DSCAM: variants seen among roughly 807,000 people sequenced by gnomAD.
The protein encoded by DSCAM is DS cell adhesion molecule, also known as cell adhesion molecule DSCAM.
A neutral mutation model predicts 217.7 loss-of-function variants in DSCAM; 47 were observed. That is an observed-to-expected ratio of 0.22 (90% CI 0.17 to 0.28). The LOEUF is 0.28. Among genes scored for constraint, DSCAM ranks in the 10% least tolerant of loss-of-function variants. DSCAM has a pLI of 1.00. For missense variants in DSCAM, 2,080 were observed against 2,618.3 expected, an observed-to-expected ratio of 0.79 and a Z score of 4.49; for synonymous variants, 1,056 against 1,015.3, an observed-to-expected ratio of 1.04 and a Z score of -0.76.
intron 3 of DSCAM, among the ~76,000 whole-genome samples, chr21:40,645,967 G>T (rs2089940919): frequency 6.6e-6 from 1 of 152,090 alleles, no homozygotes; most frequent in Non-Finnish European, 1.5e-5. Context: ...AGAGCCTTTA[G>T]CCTATAAAAT....
intron 3 of DSCAM, among the ~76,000 whole-genome samples, chr21:40,577,868 C>A (rs886811864): frequency 6.6e-6 from 1 of 152,218 alleles, no homozygotes; most frequent in South Asian, 2.1e-4. Context: ...CTGGGAACTG[C>A]GGATACAGCT....
At chr21:40,541,536 T>G (rs2076542700) in intron 3 of DSCAM, among the ~76,000 whole-genome samples, 1 of 152,188 alleles carries the variant, frequency 6.6e-6, no homozygotes, top group African/African-American at 2.4e-5. Flanking sequence ...TATTTCCTTA[T>G]TAAAAGAATA....
At chr21:40,402,798 C>A (rs1329229212) in intron 3 of DSCAM, among the ~76,000 whole-genome samples, 4 of 151,816 alleles carry the variant, frequency 2.6e-5, no homozygotes, top group Non-Finnish European at 5.9e-5. Context: ...ATTATACTAA[C>A]CATTTTTTGA....
At chr21:40,538,015 A>G (rs2076512835) in intron 3 of DSCAM, among the ~76,000 whole-genome samples, 1 of 152,170 alleles carries the variant, frequency 6.6e-6, no homozygotes, top group Non-Finnish European at 1.5e-5. Context: ...ATAAATGCTA[A>G]GTGGTAGGTG....
At chr21:40,842,751 C>T (rs141686940) in intron 1 of DSCAM, among the ~76,000 whole-genome samples, 4 of 152,244 alleles carry the variant, frequency 2.6e-5, no homozygotes, top group Admixed American at 6.5e-5. Context: ...AATTAGTTCC[C>T]CTACCAGAAT....
At chr21:40,606,308 G>C (rs537354485) in intron 3 of DSCAM, among the ~76,000 whole-genome samples, 2 of 152,292 alleles carry the variant, frequency 1.3e-5, no homozygotes, top group Admixed American at 6.5e-5. Flanking sequence ...GAGCTGGAGT[G>C]AAGAGCACCA....
chr21:40,228,720 T>G (rs1187185534), intron 11 of DSCAM, among the ~76,000 whole-genome samples: 1 of 151,964 alleles, frequency 6.6e-6, no homozygotes, highest in Non-Finnish European at 1.5e-5. Context: ...TTCCAAGTTC[T>G]TTTATATTCC....
chr21:40,773,713 A>T (rs2091465491), intron 1 of DSCAM, among the ~76,000 whole-genome samples: 1 of 152,226 alleles, frequency 6.6e-6, no homozygotes, highest in South Asian at 2.1e-4. Context: ...ATAGAAAGGC[A>T]TTTGGGCCAA....
chr21:40,736,812 T>G (rs899038848), intron 1 of DSCAM, among the ~76,000 whole-genome samples: 1 of 152,060 alleles, frequency 6.6e-6, no homozygotes, highest in African/African-American at 2.4e-5. Context: ...TAGCATAGGG[T>G]TTTTTTTGCA....
intron 20 of DSCAM, among the ~76,000 whole-genome samples, chr21:40,117,970 C>T (rs754681802): frequency 2.1e-5 from 3 of 145,648 alleles, no homozygotes; most frequent in Non-Finnish European, 3.0e-5. Context: ...CACACACACA[C>T]ATACACACAC....
At chr21:40,411,857 C>CACT (rs2075326253) in intron 3 of DSCAM, among the ~76,000 whole-genome samples, 1 of 152,168 alleles carries the variant, frequency 6.6e-6, no homozygotes, top group Non-Finnish European at 1.5e-5. Flanking sequence ...TACCAATACT[C>CACT]ACTAATATGG....
intron 3 of DSCAM, among the ~76,000 whole-genome samples, chr21:40,379,921 C>A (rs1272808901): frequency 6.6e-6 from 1 of 152,096 alleles, no homozygotes; most frequent in African/African-American, 2.4e-5. Flanking sequence ...AATGAAGCCC[C>A]AGCGTGGATC....
intron 2 of DSCAM, among the ~76,000 whole-genome samples, chr21:40,705,287 C>T (rs951821834): frequency 6.6e-6 from 1 of 152,108 alleles, no homozygotes; most frequent in Non-Finnish European, 1.5e-5. Context: ...ATTCTTTATC[C>T]CAAAGCATAA....
At chr21:40,782,008 A>AG (rs2091550706) in intron 1 of DSCAM, among the ~76,000 whole-genome samples, 1 of 149,926 alleles carries the variant, frequency 6.7e-6, no homozygotes, top group African/African-American at 2.4e-5. Context: ...AAAAAAAAAA[A>AG]AAGAAAAAAA....
chr21:40,188,785 CTT>C (rs35605811), intron 12 of DSCAM, among the ~76,000 whole-genome samples: 5,101 of 141,452 alleles, frequency 0.036, 159 homozygotes, highest in East Asian at 0.14. Context: ...TTATTTCTCA[CTT>C]TTTTTTTTTT....
chr21:40,694,975 A>G (rs2090580618), intron 2 of DSCAM, among the ~76,000 whole-genome samples: 1 of 152,176 alleles, frequency 6.6e-6, no homozygotes, highest in South Asian at 2.1e-4. Flanking sequence ...AGAAAGAGGG[A>G]CTGGTCAACA....
chr21:40,349,753 A>C (rs533669055), intron 5 of DSCAM, among the ~76,000 whole-genome samples: 1 of 152,232 alleles, frequency 6.6e-6, no homozygotes, highest in Non-Finnish European at 1.5e-5. Context: ...AAAGACCTAC[A>C]GTTACAGATT....
In DSCAM at chr21:40,644,880, C is replaced by A. The variant is rs2089926518; in HGVS notation, c.508+47930G>T. Among the ~76,000 whole-genome samples the A allele has an allele frequency of 2.0e-5, 3 of 152,174 alleles. No homozygotes were observed. The South Asian group carries it at 6.2e-4, about 31-fold the overall frequency. ...CCTAAAATCTGAGGAGATATATAGT[C>A]ATTCTTCTTTTTAAAACAGTTTCAA... On this transcript the variant is annotated intron_variant, in intron 3 of 32. Coordinates refer to ENST00000400454, the MANE Select transcript of DSCAM (RefSeq NM_001389.5).
At chr21:40,506,959 G>GA (rs1160623671) in intron 3 of DSCAM, among the ~76,000 whole-genome samples, 1 of 152,080 alleles carries the variant, frequency 6.6e-6, no homozygotes, top group Non-Finnish European at 1.5e-5. Flanking sequence ...ACTTTGATTG[G>GA]AAAAAAACTT....
Sources: allele counts gnomAD v4.1 joint callset (sites outside exome capture counted in the v4.1 genomes callset), GRCh38; gene constraint gnomAD v4.1.1; transcripts MANE v1.5; gene names NCBI Gene and HGNC (gene_info 2026-07-23, HGNC 2026-07-21).